GRID2: variants seen among roughly 807,000 people sequenced by gnomAD.
The protein encoded by GRID2 is glutamate receptor ionotropic, delta-2.
GRID2 carries 33 observed loss-of-function variants against 114.8 expected under a neutral mutation model. The ratio of observed to expected loss-of-function variants is 0.29; its 90% CI spans 0.22 to 0.38. The LOEUF (loss-of-function observed/expected upper bound fraction) is 0.38, where lower values mean the gene tolerates loss of function less well. Ranked by LOEUF, GRID2 falls within the 10% of genes least tolerant of loss-of-function variation. GRID2 has a pLI of 1.00. For missense variants in GRID2, 1,184 were observed against 1,257.7 expected (o/e 0.94, Z 0.89); for synonymous variants, 505 against 449.9 (o/e 1.12, Z -1.55).
chr4:92,778,726 G>A lies in GRID2; in HGVS notation c.244+188440G>A, dbSNP rs145413204. Reference sequence around the variant, plus strand: ...CAGCTAACAGGTATGAACATTGAGCGCAGAGTTAAAGTCTTACAGAACTAA... The same window carrying A: ...CAGCTAACAGGTATGAACATTGAGCACAGAGTTAAAGTCTTACAGAACTAA... On this transcript the variant is annotated intron_variant, in intron 2 of 15. Coordinates refer to ENST00000282020, the MANE Select transcript of GRID2 (RefSeq NM_001510.4). Among the ~76,000 whole-genome samples, 449 of 152,138 alleles carry A rather than the reference G, an allele frequency of 3.0e-3. 1 individual carries two copies. Among genetic ancestry groups the A allele is most frequent in the Non-Finnish European group, 3.7e-3 (250 of 67,990 alleles).
chr4:92,696,570 A>G (rs917741832), intron 2 of GRID2, among the ~76,000 whole-genome samples: 5 of 152,126 alleles, frequency 3.3e-5, no homozygotes, highest in Non-Finnish European at 5.9e-5. Context: ...TTTTATCCCA[A>G]CCAAACTATA....
chr4:93,301,029 G>A (rs974619037), intron 8 of GRID2, among the ~76,000 whole-genome samples: 6 of 152,106 alleles, frequency 3.9e-5, no homozygotes, highest in African/African-American at 1.2e-4. Context: ...GCCTGTTTTC[G>A]GGCCTGACAC....
chr4:93,510,803 G>T (rs1030091360), intron 12 of GRID2, among the ~76,000 whole-genome samples: 2 of 152,114 alleles, frequency 1.3e-5, no homozygotes, highest in Admixed American at 1.3e-4. Flanking sequence ...TATAAAAACA[G>T]TAGAAACCTG....
intron 11 of GRID2, among the ~76,000 whole-genome samples, chr4:93,467,659 C>T (rs960035020): frequency 6.6e-6 from 1 of 152,154 alleles, no homozygotes; most frequent in East Asian, 1.9e-4. Context: ...AGCCTTTAGT[C>T]CTCTGCCTTA....
At chr4:93,674,441 G>T (rs1724681515) in intron 14 of GRID2, among the ~76,000 whole-genome samples, 1 of 152,020 alleles carries the variant, frequency 6.6e-6, no homozygotes, top group Non-Finnish European at 1.5e-5. Context: ...AAAAATAATG[G>T]GCACTAAATT....
At position 93,729,591 on chromosome 4, in the gene GRID2, G is replaced by C. The variant is rs181552959; in HGVS notation, c.2361-39619G>C. On this transcript the variant is annotated intron_variant, in intron 14 of 15. Transcript: ENST00000282020. The stretch of plus-strand genomic sequence containing the variant: ...GATGGAGTCTCACTTTGTTGCACAG[G>C]CTGGAGTGCAGTGGCACGATCTTGG... 2.0e-5 allele frequency among the ~76,000 whole-genome samples: 3 copies of C among 151,700 alleles called. No homozygotes were observed. In the East Asian group the frequency reaches 5.8e-4, roughly 29 times the overall value.
chr4:93,419,950 A>G (rs766518669), intron 9 of GRID2, among the ~76,000 whole-genome samples: 3 of 152,240 alleles, frequency 2.0e-5, no homozygotes, highest in African/African-American at 4.8e-5. Flanking sequence ...TCATTTACCT[A>G]TGCAATAATT....
At chr4:93,109,973 G>T (rs765856132) in intron 3 of GRID2, among the ~76,000 whole-genome samples, 23 of 152,068 alleles carry the variant, frequency 1.5e-4, no homozygotes, top group Admixed American at 7.2e-4. Flanking sequence ...ATTTTAATTT[G>T]ATAAATTTCT....
chr4:92,707,091 G>A (rs1734991602), intron 2 of GRID2, among the ~76,000 whole-genome samples: 1 of 152,036 alleles, frequency 6.6e-6, no homozygotes, highest in South Asian at 2.1e-4. Flanking sequence ...GTTAGATAGG[G>A]AGTTATATTG....
chr4:93,080,367 A>C (rs1279280857), intron 2 of GRID2, among the ~76,000 whole-genome samples: 1 of 152,190 alleles, frequency 6.6e-6, no homozygotes, highest in Non-Finnish European at 1.5e-5. Flanking sequence ...GTATGACTGA[A>C]GATTATTGAA....
At position 92,751,870 on chromosome 4, in the gene GRID2, A is replaced by G. The variant is rs181944887; in HGVS notation, c.244+161584A>G. Among the ~76,000 whole-genome samples the G allele has an allele frequency of 1.8e-4, 27 of 152,354 alleles. 2 individuals are homozygous for G. Among genetic ancestry groups the G allele is most frequent in the Admixed American group, 1.7e-3 (26 of 15,302 alleles). ...TACATCAAGGAGTCTAATCTGAAAT[A>G]TCCTTCATAATAACCTATGTAGACA... On this transcript the variant is annotated intron_variant, in intron 2 of 15. Coordinates refer to ENST00000282020, the MANE Select transcript of GRID2 (RefSeq NM_001510.4).
intron 2 of GRID2, among the ~76,000 whole-genome samples, chr4:93,080,664 G>T (rs1300497050): frequency 6.6e-6 from 1 of 152,122 alleles, no homozygotes; most frequent in Admixed American, 6.6e-5. Context: ...GCACTTTGAG[G>T]ATAGAACCTG....
intron 2 of GRID2, among the ~76,000 whole-genome samples, chr4:93,013,777 C>T (rs955876220): frequency 6.6e-6 from 1 of 151,694 alleles, no homozygotes; most frequent in Admixed American, 6.6e-5. Flanking sequence ...TTAACTAATC[C>T]ACTTTTAATG....
At chr4:92,492,826 G>A (rs1219651425) in intron 1 of GRID2, among the ~76,000 whole-genome samples, 1 of 151,916 alleles carries the variant, frequency 6.6e-6, no homozygotes, top group African/African-American at 2.4e-5. Flanking sequence ...AATACCCAGG[G>A]CTAAATGGAA....
chr4:93,786,204 G>A (rs1021126253), intron 1 of GRID2, among the ~76,000 whole-genome samples: 48 of 152,146 alleles, frequency 3.2e-4, no homozygotes, highest in Admixed American at 5.9e-4. Flanking sequence ...CTCAGGCCCC[G>A]GGTGAGAACA....
chr4:92,460,612 T>C (rs1721448947), intron 1 of GRID2, among the ~76,000 whole-genome samples: 1 of 152,176 alleles, frequency 6.6e-6, no homozygotes, highest in Non-Finnish European at 1.5e-5. Flanking sequence ...GCTCACACTT[T>C]TAGTGTAAAT....
intron 14 of GRID2, among the ~76,000 whole-genome samples, chr4:93,743,095 T>C (rs1476857488): frequency 6.6e-6 from 1 of 152,184 alleles, no homozygotes; most frequent in Admixed American, 6.5e-5. Context: ...GCCTTATTAC[T>C]GAAAATGGAG....
rs1312913787 is a variant in GRID2, at chr4:93,163,409, A to G, written c.736-43995A>G. 2.8e-4 allele frequency among the ~76,000 whole-genome samples: 36 copies of G among 126,526 alleles called. 1 individual carries two copies. Among genetic ancestry groups the G allele is most frequent in the African/African-American group, 1.0e-3 (30 of 29,140 alleles). 83.0% of individuals were successfully genotyped at this position (126,526 alleles called of 152,430 possible). On this transcript the variant is annotated intron_variant, in intron 4 of 15. Coordinates refer to ENST00000282020, the MANE Select transcript of GRID2 (RefSeq NM_001510.4). ...ATATATATATATATATACACTATAT[A>G]TATACATACATGTATATTTTCTCTC...
intron 12 of GRID2, among the ~76,000 whole-genome samples, chr4:93,507,165 T>G (rs1253399433): frequency 2.6e-5 from 4 of 152,214 alleles, no homozygotes; most frequent in Admixed American, 1.3e-4. Flanking sequence ...TACAGAGCTC[T>G]TAATTATGGA....
Sources: allele counts gnomAD v4.1 joint callset (sites outside exome capture counted in the v4.1 genomes callset), GRCh38; gene constraint gnomAD v4.1.1; transcripts MANE v1.5; gene names NCBI Gene and HGNC (gene_info 2026-07-23, HGNC 2026-07-21).